Variants in PCNX1 observed in about 807,000 individuals in gnomAD.
PCNX1 encodes the protein pecanex 1, also known as pecanex-like protein 1.
A neutral mutation model predicts 242.2 loss-of-function variants in PCNX1; 78 were observed. The ratio of observed to expected loss-of-function variants is 0.32; its 90% CI spans 0.27 to 0.39. The LOEUF is 0.39. PCNX1 is among the 10% of genes least tolerant of loss of function. The probability of loss-of-function intolerance (pLI) is 1.00; values close to 1 mark genes in which losing one functional copy is unlikely to be tolerated. For missense variants in PCNX1, 2,581 were observed against 2,856.5 expected, an observed-to-expected ratio of 0.90 and a Z score of 2.20; for synonymous variants, 1,024 against 1,032.9, an observed-to-expected ratio of 0.99 and a Z score of 0.17.
intron 1 of PCNX1, among the ~76,000 whole-genome samples, chr14:70,924,950 A>G (rs996010683): frequency 1.2e-4 from 18 of 151,398 alleles, no homozygotes; most frequent in African/African-American, 1.7e-4. Flanking sequence ...CAGATATGCA[A>G]TTATATTTGT....
rs1022010182 is a variant in PCNX1, at chr14:71,113,233, A to ATAATC, written c.*3301_*3305dup. ...TCTTTGACTTTGTTACTGGAGGATG[A>ATAATC]TAATCTATTTCTATTAGATTCGAAG... On this transcript the variant is annotated 3_prime_UTR_variant, in exon 36 of 36. Coordinates refer to ENST00000304743, the MANE Select transcript of PCNX1 (RefSeq NM_014982.3). 2 of 152,356 alleles carry ATAATC rather than the reference A, an allele frequency of 1.3e-5. No individual in the cohort carries two copies. The highest frequency in any genetic ancestry group is 1.9e-4 in the East Asian group (1 of 5,192). The allele number at this position is 152,356 out of a possible 1,614,324, so 9.4% of individuals were successfully genotyped here. A position where few individuals can be genotyped will look rare whatever the true frequency, so the allele number is the denominator to read the frequency against.
chr14:71,106,036 CAG>C (rs1370087042), intron 33 of PCNX1, among the ~76,000 whole-genome samples: 2 of 150,928 alleles, frequency 1.3e-5, no homozygotes, highest in Non-Finnish European at 3.0e-5. Flanking sequence ...TTTTTTGAGA[CAG>C]AGTCTCACTC....
chr14:71,114,740 GA>G lies in PCNX1; in HGVS notation c.*4807del, dbSNP rs2141956154. The G allele has an allele frequency of 6.5e-6, 1 of 152,684 alleles. No individual in the cohort carries two copies. The highest frequency in any genetic ancestry group is 1.5e-5 in the Non-Finnish European group (1 of 68,010). The allele number at this position is 152,684 out of a possible 1,614,324, so 9.5% of individuals were successfully genotyped here. On this transcript the variant is annotated 3_prime_UTR_variant, in exon 36 of 36. Transcript: ENST00000304743. ...TTTATGATTCAGTGGAGCCAAGCTA[GA>G]AGGAACAAAGGTCATCTAACACTGT...
chr14:70,945,722 C>T (rs926967411), intron 1 of PCNX1, among the ~76,000 whole-genome samples: 7 of 151,394 alleles, frequency 4.6e-5, no homozygotes, highest in East Asian at 1.9e-4. Context: ...GGCTGGAGTG[C>T]GGTGGCATGA....
chr14:71,051,766 G>C (rs2061042222), intron 23 of PCNX1, 117 bp from the exon 24 acceptor site: 4 of 917,286 alleles, frequency 4.4e-6, no homozygotes, highest in Non-Finnish European at 6.6e-6. Context: ...GTATTCTTCT[G>C]GTGAACCTCA....
intron 30 of PCNX1, among the ~76,000 whole-genome samples, chr14:71,098,509 CGTGTGTGTGTGTGT>C (rs3221474): frequency 2.4e-4 from 31 of 128,686 alleles, no homozygotes; most frequent in South Asian, 1.6e-3. Flanking sequence ...TAGATGTATT[CGTGTGTGTGTGTGT>C]GTGTGTGTGT....
intron 1 of PCNX1, among the ~76,000 whole-genome samples, chr14:70,910,270 C>T (rs1352614354): frequency 7.5e-6 from 1 of 133,520 alleles, no homozygotes; most frequent in Non-Finnish European, 1.6e-5. Flanking sequence ...AGGCCATCAT[C>T]ATTCCCTTGG....
In PCNX1 at chr14:70,962,240, G is replaced by C. The variant is rs780310643; in HGVS notation, c.377G>C (p.Gly126Ala). The change falls in exon 3 of 36, where the codon GGG becomes GCG. Residue 126 changes from glycine to alanine, a missense_variant. Physicochemically the swap from Gly to Ala is moderately conservative, Grantham distance 60. Coordinates refer to ENST00000304743, the MANE Select transcript of PCNX1 (RefSeq NM_014982.3). ...DSNGPSDPGG[G>A]IEMSEFIREA... Reference sequence around the variant, plus strand: ...TTTCTCCACAGTGATCCTGGTGGAGGGATTGAAATGTCTGAGTTCATCCGA... The same window carrying C: ...TTTCTCCACAGTGATCCTGGTGGAGCGATTGAAATGTCTGAGTTCATCCGA... The C allele has an allele frequency of 3.7e-6, 6 of 1,606,656 alleles. No homozygotes were observed. Among genetic ancestry groups the C allele is most frequent in the Non-Finnish European group, 5.1e-6 (6 of 1,173,418 alleles).
chr14:71,021,876 G>A (rs752618247), intron 12 of PCNX1, among the ~76,000 whole-genome samples: 9 of 151,660 alleles, frequency 5.9e-5, no homozygotes, highest in Non-Finnish European at 1.0e-4. Context: ...AATTCTCTAG[G>A]ACTTATGTGG....
At chr14:70,945,905 T>TG (rs1480007048) in intron 1 of PCNX1, among the ~76,000 whole-genome samples, 1 of 152,204 alleles carries the variant, frequency 6.6e-6, no homozygotes, top group Non-Finnish European at 1.5e-5. Context: ...TGAAAACATG[T>TG]GGGATCTAGA....
At chr14:70,920,607 A>C (rs902073839) in intron 1 of PCNX1, among the ~76,000 whole-genome samples, 2 of 152,214 alleles carry the variant, frequency 1.3e-5, no homozygotes, top group African/African-American at 4.8e-5. Flanking sequence ...ACATATGACA[A>C]ATTTCGTAAA....
chr14:70,935,670 A>G (rs2056973313), intron 1 of PCNX1, among the ~76,000 whole-genome samples: 1 of 152,308 alleles, frequency 6.6e-6, no homozygotes, highest in East Asian at 1.9e-4. Context: ...CTTTCTGTCC[A>G]CTTAATTAAT....
rs574206476 is a variant in PCNX1, at chr14:71,050,994, C to T, written c.4447+234C>T. On this transcript the variant is annotated intron_variant, in intron 23 of 35. Coordinates refer to ENST00000304743, the MANE Select transcript of PCNX1 (RefSeq NM_014982.3). The stretch of plus-strand genomic sequence containing the variant: ...GACCAGCCTGACCAACATGGATAAA[C>T]CCCATCTCCACTGAAAATACTAAAT... Among the ~76,000 whole-genome samples, 16 of 151,816 alleles carry T rather than the reference C, an allele frequency of 1.1e-4. No individual in the cohort carries two copies. In the East Asian group the frequency reaches 3.1e-3, roughly 29 times the overall value.
At chr14:70,927,059 A>G (rs1326881553) in intron 1 of PCNX1, among the ~76,000 whole-genome samples, 1 of 152,202 alleles carries the variant, frequency 6.6e-6, no homozygotes, top group African/African-American at 2.4e-5. Flanking sequence ...TAAAATTAAG[A>G]TAATAACAGT....
intron 28 of PCNX1, chr14:71,085,525 C>A: frequency 6.5e-6 from 1 of 153,086 alleles, no homozygotes. Flanking sequence ...AATTGGATTC[C>A]TATGGTGGAG....
intron 1 of PCNX1, among the ~76,000 whole-genome samples, chr14:70,922,030 A>G (rs2056399484): frequency 6.6e-6 from 1 of 152,160 alleles, no homozygotes; most frequent in South Asian, 2.1e-4. Flanking sequence ...GAATGCCTGA[A>G]AACATCTTAT....
At chr14:70,915,770 C>T (rs2056129307) in intron 1 of PCNX1, among the ~76,000 whole-genome samples, 1 of 152,092 alleles carries the variant, frequency 6.6e-6, no homozygotes, top group Non-Finnish European at 1.5e-5. Flanking sequence ...GATAAATACT[C>T]ATTTTACAAA....
intron 12 of PCNX1, among the ~76,000 whole-genome samples, chr14:71,022,742 T>C (rs925440853): frequency 4.6e-5 from 7 of 152,192 alleles, no homozygotes; most frequent in Non-Finnish European, 7.4e-5. Flanking sequence ...ACAAATACCA[T>C]TGAATTATTT....
chr14:70,945,276 TATC>T (rs1366329386), intron 1 of PCNX1, among the ~76,000 whole-genome samples: 2 of 152,202 alleles, frequency 1.3e-5, no homozygotes, highest in Non-Finnish European at 2.9e-5. Context: ...TATTTCACAA[TATC>T]ATACAGGTAC....
Sources: gnomAD v4.1 joint callset for allele counts (sites outside exome capture counted in the v4.1 genomes callset) on GRCh38, gnomAD v4.1.1 for gene constraint, MANE v1.5 for transcripts, NCBI Gene and HGNC (gene_info 2026-07-23, HGNC 2026-07-21) for gene names.